Variants in IL1RAPL2 observed in about 807,000 individuals in gnomAD.
The protein encoded by IL1RAPL2 is interleukin 1 receptor accessory protein like 2, also known as X-linked interleukin-1 receptor accessory protein-like 2.
A neutral mutation model predicts 44.1 loss-of-function variants in IL1RAPL2; 3 were observed. That is an observed-to-expected ratio of 0.07 (90% CI 0.03 to 0.18). The LOEUF is 0.18. IL1RAPL2 is among the 10% of genes least tolerant of loss of function. IL1RAPL2 has a pLI of 1.00. For missense variants in IL1RAPL2, 391 were observed against 496.4 expected (o/e 0.79, Z 2.02); for synonymous variants, 181 against 178.8 (o/e 1.01, Z -0.10).
At chrX:104,591,680 T>C (rs1282942611) in intron 1 of IL1RAPL2, among the ~76,000 whole-genome samples, 1 of 107,148 alleles carries the variant, frequency 9.3e-6, no homozygotes, top group African/African-American at 3.4e-5. Flanking sequence ...TGTTAGGACC[T>C]ATATTTCATT....
intron 5 of IL1RAPL2, among the ~76,000 whole-genome samples, chrX:105,269,525 G>A (rs2034431251): frequency 9.0e-6 from 1 of 111,326 alleles, no homozygotes; most frequent in Non-Finnish European, 1.9e-5. Context: ...GATTAGAATT[G>A]CATGTTCTTT....
At chrX:104,622,474 GT>G (rs1310834417) in intron 1 of IL1RAPL2, among the ~76,000 whole-genome samples, 1 of 109,080 alleles carries the variant, frequency 9.2e-6, no homozygotes, top group Non-Finnish European at 1.9e-5. Flanking sequence ...AACTAGCACT[GT>G]TTTGTTCATT....
rs375566296 is a variant in IL1RAPL2, at chrX:105,740,658, C to T, written c.1015C>T (p.Arg339Trp). Reference sequence around the variant, plus strand: ...CTGCCATGTTGAAAACCGAAATGGACGGAAACATGCCAGTGTTTTGCTGCG... The same window carrying T: ...CTGCCATGTTGAAAACCGAAATGGATGGAAACATGCCAGTGTTTTGCTGCG... ...YTCHVENRNG[R>W]KHASVLLRKK... The change falls in exon 8 of 11, where the codon CGG becomes TGG. Residue 339 changes from arginine to tryptophan, a missense_variant. By Grantham distance (101) the Arg-to-Trp change is moderately radical. Transcript: ENST00000372582. 9 of 1,208,405 alleles carry T rather than the reference C, an allele frequency of 7.4e-6. No individual in the cohort carries two copies. Among genetic ancestry groups the T allele is most frequent in the South Asian group, 1.8e-5 (1 of 56,471 alleles).
At chrX:104,891,243 GC>G (rs1923428922) in intron 2 of IL1RAPL2, among the ~76,000 whole-genome samples, 1 of 111,793 alleles carries the variant, frequency 8.9e-6, no homozygotes, top group African/African-American at 3.3e-5. Flanking sequence ...GATGCCTCCA[GC>G]TTTGTTCTTT....
chrX:104,922,314 C>T (rs1177688181), intron 2 of IL1RAPL2, among the ~76,000 whole-genome samples: 2 of 113,231 alleles, frequency 1.8e-5, no homozygotes, highest in Non-Finnish European at 3.7e-5. Flanking sequence ...ATCACAACTG[C>T]AAATATCACT....
chrX:104,653,599 C>T (rs1366249054), intron 1 of IL1RAPL2, among the ~76,000 whole-genome samples: 1 of 110,877 alleles, frequency 9.0e-6, no homozygotes, highest in Non-Finnish European at 1.9e-5. Context: ...GAACTAGCTG[C>T]ATTGGTTCAT....
chrX:104,849,355 A>ATATATATATATATATATATATATATATAT (rs1556001397), intron 2 of IL1RAPL2, among the ~76,000 whole-genome samples: 2 of 68,697 alleles, frequency 2.9e-5, no homozygotes, highest in African/African-American at 1.1e-4. Flanking sequence ...TGAACTATAT[A>ATATATATATATATATATATATATATATAT]ATATATATAT....
intron 6 of IL1RAPL2, among the ~76,000 whole-genome samples, chrX:105,599,823 T>C (rs1236528599): frequency 1.8e-5 from 2 of 110,871 alleles, no homozygotes; most frequent in Non-Finnish European, 1.9e-5. Context: ...TTATAAACTA[T>C]GACATTGAGG....
chrX:104,585,343 T>TTATATAATATATAGTATATAA (rs1928523106), intron 1 of IL1RAPL2, among the ~76,000 whole-genome samples: 1 of 17,865 alleles, frequency 5.6e-5, no homozygotes, highest in Non-Finnish European at 8.1e-5. Context: ...ATATTATATA[T>TTATATAATATATAGTATATAA]TATATATATT....
chrX:105,538,189 A>G (rs1644476061), intron 6 of IL1RAPL2, among the ~76,000 whole-genome samples: 2 of 108,457 alleles, frequency 1.8e-5, no homozygotes, highest in Non-Finnish European at 1.9e-5. Flanking sequence ...GGCACCCGCC[A>G]CCACGCCCGG....
chrX:105,465,002 A>C (rs189632892), intron 5 of IL1RAPL2, among the ~76,000 whole-genome samples: 2 of 112,182 alleles, frequency 1.8e-5, no homozygotes, highest in East Asian at 2.8e-4. Flanking sequence ...CCACATAGAC[A>C]GTGGTCCTGA....
chrX:105,440,651 A>ATAAG (rs886285786), intron 5 of IL1RAPL2, among the ~76,000 whole-genome samples: 11 of 112,364 alleles, frequency 9.8e-5, no homozygotes, highest in Non-Finnish European at 1.7e-4. Context: ...TAATTTTCAC[A>ATAAG]TAAGTAATAG....
At chrX:104,678,213 C>T (rs903261750) in intron 2 of IL1RAPL2, among the ~76,000 whole-genome samples, 1 of 112,449 alleles carries the variant, frequency 8.9e-6, no homozygotes, top group Admixed American at 9.4e-5. Context: ...AAATGAACAG[C>T]CAAAGTACCT....
intron 6 of IL1RAPL2, among the ~76,000 whole-genome samples, chrX:105,665,726 G>GTTTTTTT (rs745949698): frequency 5.3e-5 from 4 of 75,207 alleles, no homozygotes; most frequent in African/African-American, 2.1e-4. Context: ...TTTTATTTTT[G>GTTTTTTT]TTTTTTTGTT....
In IL1RAPL2 at chrX:105,233,959, T is replaced by C; in HGVS notation, c.498T>C (p.Asp166=). Residue 166 remains aspartate, a synonymous_variant, in exon 4 of 11, where the codon GAT becomes GAC. Transcript: ENST00000372582. ...KRKEISCPDM[D]DFKKSDQEPD... is the part of the protein sequence containing the mutation. ...AGGAGATCTCCTGTCCAGACATGGA[T>C]GACTTTAAAAAGTCCGATCAGGAGC... 2 of 1,210,868 alleles carry C rather than the reference T, an allele frequency of 1.7e-6. No homozygotes were observed. The highest frequency in any genetic ancestry group is 2.2e-6 in the Non-Finnish European group (2 of 895,030).
At chrX:104,889,233 C>T (rs766631012) in intron 2 of IL1RAPL2, among the ~76,000 whole-genome samples, 17 of 111,321 alleles carry the variant, frequency 1.5e-4, no homozygotes, top group Non-Finnish European at 3.2e-4. Context: ...TGCAGCAGTG[C>T]CCCCACCACT....
intron 5 of IL1RAPL2, among the ~76,000 whole-genome samples, chrX:105,292,950 A>G (rs1157266442): frequency 2.7e-5 from 3 of 109,241 alleles, no homozygotes; most frequent in African/African-American, 1.0e-4. Context: ...CATCTCTACT[A>G]AAAATACAAA....
At chrX:105,709,540 G>A (rs1428932726) in intron 6 of IL1RAPL2, among the ~76,000 whole-genome samples, 2 of 111,785 alleles carry the variant, frequency 1.8e-5, no homozygotes, top group African/African-American at 3.3e-5. Context: ...AGTCCTTAGA[G>A]ATTCTCTCAG....
At chrX:104,635,077 G>A (rs1394214629) in intron 1 of IL1RAPL2, among the ~76,000 whole-genome samples, 2 of 110,911 alleles carry the variant, frequency 1.8e-5, no homozygotes, top group African/African-American at 6.6e-5. Flanking sequence ...GTCTGTAAAG[G>A]ATTTTATTTC....
Sources: allele counts gnomAD v4.1 joint callset (sites outside exome capture counted in the v4.1 genomes callset), GRCh38; gene constraint gnomAD v4.1.1; transcripts MANE v1.5; gene names NCBI Gene and HGNC (gene_info 2026-07-23, HGNC 2026-07-21).